OXCT1: variants seen among roughly 807,000 people sequenced by gnomAD.
OXCT1 encodes succinyl-CoA:3-ketoacid coenzyme A transferase 1, mitochondrial.
In OXCT1, 27 loss-of-function variants were observed where a neutral mutation model predicts 69.6. The observed-to-expected ratio is 0.39, with a 90% confidence interval of 0.29 to 0.54. OXCT1 has a LOEUF of 0.54. Ranked by LOEUF, OXCT1 falls within the 20% of genes least tolerant of loss-of-function variation. The probability of loss-of-function intolerance (pLI) is 0.72; values close to 1 mark genes in which losing one functional copy is unlikely to be tolerated. For synonymous variants in OXCT1, 202 were observed against 217.8 expected (o/e 0.93, Z 0.64); for missense variants, 437 against 650.2 (o/e 0.67, Z 3.57).
chr5:41,745,204 T>C (rs1011284880), intron 15 of OXCT1, among the ~76,000 whole-genome samples: 5 of 152,076 alleles, frequency 3.3e-5, no homozygotes, highest in Non-Finnish European at 5.9e-5. Flanking sequence ...AAACTGTCTC[T>C]CAGACCACAG....
chr5:41,846,521 C>A (rs1748915071), intron 5 of OXCT1, among the ~76,000 whole-genome samples: 1 of 149,772 alleles, frequency 6.7e-6, no homozygotes, highest in Admixed American at 6.7e-5. Context: ...TTTCTTAATC[C>A]AGTCTATCAT....
chr5:41,824,952 A>G (rs1158316025), intron 7 of OXCT1, among the ~76,000 whole-genome samples: 1 of 152,228 alleles, frequency 6.6e-6, no homozygotes, highest in African/African-American at 2.4e-5. Context: ...TCAAAACTGA[A>G]CAGAACTTTT....
rs1273970017 is a variant in OXCT1 at position 41,762,743 on chromosome 5, AAAAAT to A, written c.1249-548_1249-544del. Among the ~76,000 whole-genome samples the A allele has an allele frequency of 6.6e-6, 1 of 152,136 alleles. No individual in the cohort carries two copies. Among genetic ancestry groups the A allele is most frequent in the Non-Finnish European group, 1.5e-5 (1 of 68,010 alleles). On this transcript the variant is annotated intron_variant, in intron 13 of 16. Coordinates refer to ENST00000196371, the MANE Select transcript of OXCT1 (RefSeq NM_000436.4). This position sits in a 1 kb window ranked among gnomAD's most constrained non-coding sequence, Gnocchi z 4.0. ...CACTTGGCATTTATCTTGCGCTTAG[AAAAAT>A]AAAATAAAAAACATTCTTGCTAAGC...
chr5:41,825,983 A>G (rs978748690), intron 7 of OXCT1, among the ~76,000 whole-genome samples: 1 of 152,238 alleles, frequency 6.6e-6, no homozygotes, highest in African/African-American at 2.4e-5. Flanking sequence ...AAAGAGATAA[A>G]ATGGGTCATT....
intron 7 of OXCT1, among the ~76,000 whole-genome samples, chr5:41,810,385 A>C (rs1746910355): frequency 6.6e-6 from 1 of 152,116 alleles, no homozygotes; most frequent in African/African-American, 2.4e-5. Flanking sequence ...GAAAAGCCTC[A>C]GGGCAAAGCA....
intron 7 of OXCT1, among the ~76,000 whole-genome samples, chr5:41,824,525 C>T (rs1747711390): frequency 6.6e-6 from 1 of 152,072 alleles, no homozygotes; most frequent in Non-Finnish European, 1.5e-5. Context: ...CCTCAATTTA[C>T]ATATAAAATA....
chr5:41,814,292 G>A (rs1747123712), intron 7 of OXCT1, among the ~76,000 whole-genome samples: 1 of 152,120 alleles, frequency 6.6e-6, no homozygotes, highest in South Asian at 2.1e-4. Flanking sequence ...AGGGATCAAA[G>A]TTCATATCAT....
In OXCT1 at chr5:41,799,372, A is replaced by C. The variant is rs114195933; in HGVS notation, c.1099+1650T>G. 4.8e-3 allele frequency among the ~76,000 whole-genome samples: 734 copies of C among 152,316 alleles called. 3 individuals are homozygous for C. Among genetic ancestry groups the C allele is most frequent in the African/African-American group, 0.013 (558 of 41,576 alleles). The stretch of plus-strand genomic sequence containing the variant: ...ACTTTGAAAAACTTATAATATTATT[A>C]AACTGACTTGGAGCTTGGCTTCCCA... On this transcript the variant is annotated intron_variant, in intron 11 of 16. Transcript: ENST00000196371.
At chr5:41,849,687 T>A (rs1361105453) in intron 5 of OXCT1, among the ~76,000 whole-genome samples, 3 of 152,224 alleles carry the variant, frequency 2.0e-5, no homozygotes, top group Admixed American at 6.5e-5. Context: ...TTTGCTAGCA[T>A]GCATACCACA....
At chr5:41,785,701 T>C (rs561484746) in intron 13 of OXCT1, among the ~76,000 whole-genome samples, 2 of 152,220 alleles carry the variant, frequency 1.3e-5, no homozygotes, top group South Asian at 4.1e-4. Flanking sequence ...AGAAGTAGAA[T>C]TTACAAAGGA....
At chr5:41,833,524 G>GA (rs70988870) in intron 7 of OXCT1, among the ~76,000 whole-genome samples, 133,018 of 137,570 alleles carry the variant, frequency 0.97, 64,312 homozygotes, top group South Asian at 0.99. Context: ...TCTTTGATCT[G>GA]AAAAAAAAAA....
At chr5:41,824,738 C>A (rs960012741) in intron 7 of OXCT1, among the ~76,000 whole-genome samples, 4 of 152,132 alleles carry the variant, frequency 2.6e-5, no homozygotes, top group African/African-American at 9.7e-5. Context: ...AGGTCTAATT[C>A]CAATTCTAAG....
At chr5:41,758,633 G>A (rs1309257710) in intron 14 of OXCT1, among the ~76,000 whole-genome samples, 1 of 152,042 alleles carries the variant, frequency 6.6e-6, no homozygotes, top group Non-Finnish European at 1.5e-5. Context: ...ATTATAAAGA[G>A]TTCTGGAGGG....
intron 14 of OXCT1, among the ~76,000 whole-genome samples, chr5:41,758,894 C>T (rs1744212415): frequency 6.6e-6 from 1 of 152,036 alleles, no homozygotes; most frequent in Admixed American, 6.6e-5. Context: ...TGTATCTATG[C>T]ACAGGAAGGC....
intron 7 of OXCT1, 78 bp downstream of exon 7, chr5:41,840,373 C>G (rs1200507544): frequency 9.5e-7 from 1 of 1,048,724 alleles, no homozygotes; most frequent in Non-Finnish European, 1.5e-6. Flanking sequence ...AACAAATGAA[C>G]TGTGGTACTT....
rs568534831 is a variant in OXCT1, at chr5:41,853,343, A to G, written c.414+76T>C. On this transcript the variant is annotated intron_variant, in intron 4 of 16. Transcript: ENST00000196371. ...ATTCCTTCTGCCTTACCTCTTTTGCACAAAGAAATTTCCACGGAGAAAAAA... is the reference window on the plus strand; with the variant it reads ...ATTCCTTCTGCCTTACCTCTTTTGCGCAAAGAAATTTCCACGGAGAAAAAA... The G allele has an allele frequency of 3.6e-6, 5 of 1,387,996 alleles. No individual in the cohort carries two copies. In the South Asian group the frequency reaches 5.9e-5, roughly 16 times the overall value. 86.0% of individuals were successfully genotyped at this position (1,387,996 alleles called of 1,614,324 possible).
At chr5:41,795,288 G>A (rs1053945681) in intron 11 of OXCT1, among the ~76,000 whole-genome samples, 2 of 152,178 alleles carry the variant, frequency 1.3e-5, no homozygotes, top group African/African-American at 4.8e-5. Context: ...ACCTCCTGCT[G>A]TGCAGCCTGG....
At chr5:41,869,887 T>G (rs2112498834) in intron 1 of OXCT1, 1 of 300,088 alleles carries the variant, frequency 3.3e-6, no homozygotes, top group African/African-American at 2.2e-5. Flanking sequence ...GTTGCCTCAC[T>G]CCTAAACCTC....
At chr5:41,758,812 T>A (rs571841354) in intron 14 of OXCT1, among the ~76,000 whole-genome samples, 5 of 152,144 alleles carry the variant, frequency 3.3e-5, no homozygotes, top group Non-Finnish European at 7.4e-5. Context: ...GCTTTAACTT[T>A]AAAGACATAC....
Sources: gnomAD v4.1 joint callset for allele counts (sites outside exome capture counted in the v4.1 genomes callset) on GRCh38, gnomAD v4.1.1 for gene constraint, Gnocchi (gnomAD v3.1) non-coding constraint, MANE v1.5 for transcripts, NCBI Gene and HGNC (gene_info 2026-07-23, HGNC 2026-07-21) for gene names.